ERG: variants seen among roughly 807,000 people sequenced by gnomAD.
ERG encodes ETS transcription factor ERG.
ERG carries 9 observed loss-of-function variants against 55.3 expected under a neutral mutation model. That is an observed-to-expected ratio of 0.16 (90% confidence interval 0.10 to 0.28). The LOEUF is 0.28. Ranked by LOEUF, ERG falls within the 10% of genes least tolerant of loss-of-function variation. The pLI is 1.00. For missense variants in ERG, 434 were observed against 631.6 expected (o/e 0.69, Z 3.35); for synonymous variants, 223 against 237.3 (o/e 0.94, Z 0.55).
intron 3 of ERG, among the ~76,000 whole-genome samples, chr21:38,409,351 C>T (rs962487552): frequency 1.1e-4 from 16 of 151,974 alleles, no homozygotes; most frequent in South Asian, 4.2e-4. Context: ...GGTGTGGTGG[C>T]GCATGCCTGT....
intron 2 of ERG, among the ~76,000 whole-genome samples, chr21:38,550,675 T>A (rs2059818579): frequency 6.6e-6 from 1 of 152,214 alleles, no homozygotes; most frequent in Non-Finnish European, 1.5e-5. Flanking sequence ...TATATGCCAC[T>A]CAATGTATAG....
chr21:38,627,991 G>T (rs1490035844), intron 1 of ERG, among the ~76,000 whole-genome samples: 1 of 146,878 alleles, frequency 6.8e-6, no homozygotes, highest in Admixed American at 6.9e-5. Flanking sequence ...ATCCAGGTTG[G>T]AGTCTGGAGT....
intron 1 of ERG, among the ~76,000 whole-genome samples, chr21:38,448,329 T>C (rs939617062): frequency 1.3e-5 from 2 of 152,112 alleles, no homozygotes; most frequent in African/African-American, 4.8e-5. Flanking sequence ...TGCACAAAAA[T>C]GAGGAAGGGA....
intron 3 of ERG, among the ~76,000 whole-genome samples, chr21:38,417,845 C>T (rs1218207408): frequency 6.6e-6 from 1 of 152,032 alleles, no homozygotes; most frequent in Non-Finnish European, 1.5e-5. Flanking sequence ...AGAAATCTTT[C>T]AAAATGCTAT....
chr21:38,574,370 C>T (rs1217620944), intron 2 of ERG, among the ~76,000 whole-genome samples: 1 of 152,178 alleles, frequency 6.6e-6, no homozygotes, highest in Non-Finnish European at 1.5e-5. Flanking sequence ...AAACATCACA[C>T]AGAAATCAAA....
At chr21:38,377,267 A>C (rs906471267), downstream of ERG, among the ~76,000 whole-genome samples, 2 of 152,218 alleles carry the variant, frequency 1.3e-5, no homozygotes, top group Non-Finnish European at 2.9e-5. Flanking sequence ...TTTAAAGGAG[A>C]AAATGATATC....
intron 1 of ERG, among the ~76,000 whole-genome samples, chr21:38,649,855 T>A (rs1437120638): frequency 6.6e-6 from 1 of 152,214 alleles, no homozygotes; most frequent in Non-Finnish European, 1.5e-5. Context: ...TCTCCATTTG[T>A]CCTTACGTGA....
Position 38,583,782 on chromosome 21 carries a change from T to G in ERG, c.-127+1062A>C, listed in dbSNP as rs185604631. ...AGACCTGTATAGAAGGACGATGGTG[T>G]GAAGACACAGGGAAAAGACAAAAGA... On this transcript the variant is annotated intron_variant, in intron 1 of 8. Transcript: ENST00000398897. Among the ~76,000 whole-genome samples the G allele has an allele frequency of 8.7e-4, 133 of 152,222 alleles. 2 individuals carry two copies. Among genetic ancestry groups the G allele is most frequent in the African/African-American group, 2.9e-3 (120 of 41,536 alleles).
intron 2 of ERG, among the ~76,000 whole-genome samples, chr21:38,560,389 G>T (rs186696051): frequency 1.3e-5 from 2 of 152,224 alleles, no homozygotes; most frequent in East Asian, 1.9e-4. Flanking sequence ...ATCCCAGACA[G>T]CCCTGAGCCA....
intron 3 of ERG, among the ~76,000 whole-genome samples, chr21:38,417,383 C>G (rs1989327114): frequency 6.6e-6 from 1 of 152,198 alleles, no homozygotes; most frequent in South Asian, 2.1e-4. Flanking sequence ...CTACTCTTAT[C>G]TCTGAGATTA....
chr21:38,383,144 A>G lies in ERG; in HGVS notation c.*259T>C, dbSNP rs1271101147. 1 of 1,204,060 alleles carries G rather than the reference A, an allele frequency of 8.3e-7. No individual in the cohort carries two copies. The highest frequency in any genetic ancestry group is 1.6e-5 in the African/African-American group (1 of 64,252). The allele number at this position is 1,204,060 out of a possible 1,614,324, so 74.6% of individuals were successfully genotyped here. A position where few individuals can be genotyped will look rare whatever the true frequency, so the allele number is the denominator to read the frequency against. On this transcript the variant is annotated 3_prime_UTR_variant, in exon 10 of 10. Transcript: ENST00000288319. This position sits in a 1 kb window ranked among gnomAD's most constrained non-coding sequence, Gnocchi z 5.7. ...TTTGTCCTTAAGACTTCATGCTTCT[A>G]CATACACTGTCTTTTACAAGGTCAG...
chr21:38,573,633 C>T (rs1201633009), intron 2 of ERG, among the ~76,000 whole-genome samples: 2 of 152,142 alleles, frequency 1.3e-5, no homozygotes, highest in African/African-American at 2.4e-5. Flanking sequence ...TTTTTGCTGA[C>T]CTTCTCCTTA....
chr21:38,399,235 C>T (rs149307341), intron 6 of ERG, among the ~76,000 whole-genome samples: 2 of 152,308 alleles, frequency 1.3e-5, no homozygotes, highest in African/African-American at 4.8e-5. Context: ...AGGAGCAAGA[C>T]AGTAAACTTT....
chr21:38,491,415 T>A (rs1020002094), intron 1 of ERG, among the ~76,000 whole-genome samples: 4 of 152,144 alleles, frequency 2.6e-5, no homozygotes, highest in Admixed American at 6.5e-5. Context: ...AGATTTTAAA[T>A]CATCAAGGCA....
At chr21:38,442,560 G>T (rs1305543128) in intron 2 of ERG, among the ~76,000 whole-genome samples, 2 of 152,152 alleles carry the variant, frequency 1.3e-5, no homozygotes, top group African/African-American at 4.8e-5. Context: ...GAACTGCCCT[G>T]GTGTCTTTCT....
intron 1 of ERG, among the ~76,000 whole-genome samples, chr21:38,657,138 T>A (rs1004545301): frequency 6.6e-6 from 1 of 152,028 alleles, no homozygotes; most frequent in African/African-American, 2.4e-5. Context: ...AAAGAGGTGA[T>A]AAATTAATTC....
At chr21:38,494,926 G>A (rs112241868) in intron 1 of ERG, among the ~76,000 whole-genome samples, 1 of 152,236 alleles carries the variant, frequency 6.6e-6, no homozygotes, top group Non-Finnish European at 1.5e-5. Context: ...TTTTAAAGTA[G>A]TTGCCTGTAA....
chr21:38,490,943 A>C (rs866358208), intron 1 of ERG, among the ~76,000 whole-genome samples: 2 of 152,208 alleles, frequency 1.3e-5, no homozygotes, highest in Non-Finnish European at 2.9e-5. Context: ...GCCAAAGATA[A>C]AAGTGGGCTG....
intron 1 of ERG, among the ~76,000 whole-genome samples, chr21:38,446,417 GT>G (rs1343063921): frequency 6.6e-6 from 1 of 152,058 alleles, no homozygotes; most frequent in Non-Finnish European, 1.5e-5. Flanking sequence ...ATTTTTCGTG[GT>G]TTTAAGTCAA....
Sources: allele counts gnomAD v4.1 joint callset (sites outside exome capture counted in the v4.1 genomes callset), GRCh38; gene constraint gnomAD v4.1.1; non-coding constraint Gnocchi (gnomAD v3.1); transcripts MANE v1.5; gene names NCBI Gene and HGNC (gene_info 2026-07-23, HGNC 2026-07-21).